GRK4: variants seen among roughly 807,000 people sequenced by gnomAD.
GRK4 encodes the protein G protein-coupled receptor kinase 2-like.
GRK4 carries 73 observed loss-of-function variants against 77.9 expected under a neutral mutation model. That is an observed-to-expected ratio of 0.94 (90% CI 0.78 to 1.14). The LOEUF (loss-of-function observed/expected upper bound fraction) is 1.14, where lower values mean the gene tolerates loss of function less well. GRK4 is among the 50% of genes most tolerant of loss of function. The pLI is 0.00. For synonymous variants in GRK4, 257 were observed against 254.4 expected, an observed-to-expected ratio of 1.01 and a Z score of -0.10; for missense variants, 729 against 700.2, an observed-to-expected ratio of 1.04 and a Z score of -0.46.
chr4:2,993,339 G>A (rs548435916), intron 4 of GRK4, among the ~76,000 whole-genome samples: 11 of 152,142 alleles, frequency 7.2e-5, no homozygotes, highest in Non-Finnish European at 1.3e-4. Flanking sequence ...TTGTAAGGAT[G>A]GAAGGAGAAA....
chr4:2,965,369 G>A lies in GRK4; in HGVS notation c.52+1247G>A, dbSNP rs867767048. ...TTGCCTGCGTCTCAAGAGAGCTGGC[G>A]ACAGAGCCTCGGACCTCAAGTCCCT... On this transcript the variant is annotated intron_variant, in intron 1 of 15. Transcript: ENST00000398052. 4.3e-5 allele frequency: 30 copies of A among 702,882 alleles called. No homozygotes were observed. The African/African-American group carries it at 4.4e-4, about 10-fold the overall frequency. The allele number at this position is 702,882 out of a possible 1,614,324, so 43.5% of individuals were successfully genotyped here. A position where few individuals can be genotyped will look rare whatever the true frequency, so the allele number is the denominator to read the frequency against.
At chr4:3,001,373 T>A (rs551903641) in intron 4 of GRK4, among the ~76,000 whole-genome samples, 2,690 of 115,796 alleles carry the variant, frequency 0.023, 90 homozygotes, top group African/African-American at 0.056. Context: ...ATATATATTT[T>A]TTTTTTTTTT....
At chr4:3,028,811 G>A (rs902050149) in intron 11 of GRK4, among the ~76,000 whole-genome samples, 2 of 148,504 alleles carry the variant, frequency 1.3e-5, no homozygotes, top group Non-Finnish European at 3.0e-5. Flanking sequence ...TCACTCAGTC[G>A]CCCAGGCTAG....
At chr4:3,038,310 T>G (rs555013578) in intron 14 of GRK4, 66 bp from the exon 15 acceptor site, 1 of 1,596,792 alleles carries the variant, frequency 6.3e-7, no homozygotes, top group South Asian at 1.1e-5. Context: ...CTGCTGGCAC[T>G]GGGAGACACC....
intron 1 of GRK4, among the ~76,000 whole-genome samples, chr4:2,980,731 C>T (rs1266661165): frequency 6.6e-6 from 1 of 152,184 alleles, no homozygotes; most frequent in Non-Finnish European, 1.5e-5. Flanking sequence ...TGGGGCTGAG[C>T]GGCTGTGCCA....
chr4:3,029,420 C>A lies in GRK4; in HGVS notation c.1269+11C>A. 3 of 1,606,204 alleles carry A rather than the reference C, an allele frequency of 1.9e-6. No homozygotes were observed. Among genetic ancestry groups the A allele is most frequent in the Non-Finnish European group, 2.6e-6 (3 of 1,173,162 alleles). ...TCTATCTGCAGGATGGTAAGTCAGG[C>A]TCTGTAGAGGCTGGGAAATGGCACT... is the stretch of plus-strand genomic sequence containing the variant. On this transcript the variant is annotated intron_variant, in intron 12 of 15. Coordinates refer to ENST00000398052, the MANE Select transcript of GRK4 (RefSeq NM_182982.3).
At chr4:2,981,901 A>G (rs1030501348) in intron 1 of GRK4, among the ~76,000 whole-genome samples, 2 of 152,238 alleles carry the variant, frequency 1.3e-5, no homozygotes, top group Non-Finnish European at 2.9e-5. Context: ...TGCCATGCTC[A>G]TTGGTGTCCA....
chr4:2,999,090 G>T (rs1246085394), intron 4 of GRK4, among the ~76,000 whole-genome samples: 1 of 152,144 alleles, frequency 6.6e-6, no homozygotes, highest in Non-Finnish European at 1.5e-5. Context: ...ATTTAGTGCT[G>T]CTCTAACAGA....
chr4:2,996,029 G>A (rs949179462), intron 4 of GRK4, among the ~76,000 whole-genome samples: 1 of 152,048 alleles, frequency 6.6e-6, no homozygotes, highest in African/African-American at 2.4e-5. Context: ...ACTGTTCTGG[G>A]CCTGATAATT....
At chr4:3,013,552 T>A (rs562577557) in intron 7 of GRK4, 136 bp from the exon 8 acceptor site, 1 of 1,013,196 alleles carries the variant, frequency 9.9e-7, no homozygotes, top group East Asian at 2.4e-5. Context: ...AAGCTCACCT[T>A]TGAAACGGTC....
At chr4:3,025,382 A>T (rs1578335597) in intron 10 of GRK4, among the ~76,000 whole-genome samples, 4 of 141,906 alleles carry the variant, frequency 2.8e-5, no homozygotes, top group Non-Finnish European at 3.0e-5. Flanking sequence ...ATTTTTAGCG[A>T]TCTAATTTTT....
At chr4:3,010,968 G>A (rs903521637) in intron 7 of GRK4, among the ~76,000 whole-genome samples, 1 of 152,164 alleles carries the variant, frequency 6.6e-6, no homozygotes. Flanking sequence ...CAGAGACCAT[G>A]AAGAATATTT....
At chr4:3,022,301 G>C in intron 9 of GRK4, 113 bp from the exon 10 acceptor site, 1 of 929,350 alleles carries the variant, frequency 1.1e-6, no homozygotes, top group Non-Finnish European at 1.7e-6. Context: ...ATGAAGGGCA[G>C]TTTCGTGTTT....
At chr4:2,964,519 G>T (rs946577279) in intron 1 of GRK4, among the ~76,000 whole-genome samples, 6 of 152,146 alleles carry the variant, frequency 3.9e-5, no homozygotes, top group Admixed American at 3.9e-4. Context: ...TCTTAAGGGG[G>T]ACAAAGAATA....
intron 15 of GRK4, among the ~76,000 whole-genome samples, chr4:3,039,644 G>GC (rs1741836631): frequency 6.7e-6 from 1 of 148,870 alleles, no homozygotes; most frequent in Non-Finnish European, 1.5e-5. Flanking sequence ...GTTACAGGGA[G>GC]CCGAGACTGC....
chr4:2,993,040 A>G (rs1726742026), intron 4 of GRK4, among the ~76,000 whole-genome samples: 1 of 152,182 alleles, frequency 6.6e-6, no homozygotes, highest in Non-Finnish European at 1.5e-5. Context: ...TTTATTATAA[A>G]TGTTCCTCTT....
chr4:3,032,154 T>C (rs1418132288), intron 12 of GRK4, among the ~76,000 whole-genome samples: 2 of 152,068 alleles, frequency 1.3e-5, no homozygotes, highest in Admixed American at 1.3e-4. Flanking sequence ...CACAGTTTAA[T>C]GTTAGGCCTA....
At chr4:2,982,367 TAGC>T (rs1723108435) in intron 1 of GRK4, among the ~76,000 whole-genome samples, 1 of 152,252 alleles carries the variant, frequency 6.6e-6, no homozygotes, top group African/African-American at 2.4e-5. Context: ...AGGAAGGACA[TAGC>T]AGCCAGGCTG....
intron 1 of GRK4, among the ~76,000 whole-genome samples, chr4:2,978,568 A>C (rs944425517): frequency 6.6e-6 from 1 of 152,202 alleles, no homozygotes; most frequent in African/African-American, 2.4e-5. Flanking sequence ...TCAAAATCGT[A>C]GTTGGCATCA....
Sources: gnomAD v4.1 joint callset for allele counts (sites outside exome capture counted in the v4.1 genomes callset) on GRCh38, gnomAD v4.1.1 for gene constraint, MANE v1.5 for transcripts, NCBI Gene and HGNC (gene_info 2026-07-23, HGNC 2026-07-21) for gene names.